The following LETM1 variants were observed in gnomAD, a reference collection of about 807,000 sequenced individuals.
The protein encoded by LETM1 is leucine zipper and EF-hand containing transmembrane protein 1.
LETM1 carries 50 observed loss-of-function variants against 74.5 expected under a neutral mutation model. The ratio of observed to expected loss-of-function variants is 0.67; its 90% CI spans 0.53 to 0.85. The LOEUF (loss-of-function observed/expected upper bound fraction) is 0.85. LETM1 is among the 40% of genes least tolerant of loss of function. The probability of loss-of-function intolerance (pLI) is 0.00; values close to 1 mark genes in which losing one functional copy is unlikely to be tolerated. For synonymous variants in LETM1, 446 were observed against 407.1 expected (o/e 1.10, Z -1.15); for missense variants, 824 against 967.8 (o/e 0.85, Z 1.97).
intron 12 of LETM1, among the ~76,000 whole-genome samples, chr4:1,816,310 G>A (rs1711566847): frequency 2.6e-5 from 4 of 152,210 alleles, no homozygotes; most frequent in African/African-American, 2.4e-5. Flanking sequence ...CTCACAAAAC[G>A]GCAGCTCCCT....
In LETM1 at chr4:1,836,602, G is replaced by A; in HGVS notation, c.595-30C>T. ...AAGGGGCGGAATCCATCAGAGGGGAGCAGAGCACATGTGGGAACAAGGGCA... is the reference window on the plus strand; with the variant it reads ...AAGGGGCGGAATCCATCAGAGGGGAACAGAGCACATGTGGGAACAAGGGCA... On this transcript the variant is annotated intron_variant, in intron 3 of 13. Coordinates refer to ENST00000302787, the MANE Select transcript of LETM1 (RefSeq NM_012318.3). The surrounding 1 kb of genome is among the most constrained non-coding windows in gnomAD (Gnocchi z 5.8). 1 of 1,612,400 alleles carries A rather than the reference G, an allele frequency of 6.2e-7. No homozygotes were observed. The highest frequency in any genetic ancestry group is 8.5e-7 in the Non-Finnish European group (1 of 1,179,162).
intron 6 of LETM1, among the ~76,000 whole-genome samples, chr4:1,830,909 C>T (rs947770764): frequency 5.9e-5 from 9 of 152,102 alleles, no homozygotes; most frequent in African/African-American, 2.2e-4. Flanking sequence ...GTGGCATGGG[C>T]GGTGGGTATT....
chr4:1,847,824 CAAAAA>C (rs778839346), intron 2 of LETM1, among the ~76,000 whole-genome samples: 1 of 41,920 alleles, frequency 2.4e-5, no homozygotes, highest in Non-Finnish European at 4.7e-5. Context: ...AACTCGGTCT[CAAAAA>C]AAAAAAAAAA....
At chr4:1,847,869 C>T (rs1469205544) in intron 2 of LETM1, among the ~76,000 whole-genome samples, 2 of 149,466 alleles carry the variant, frequency 1.3e-5, no homozygotes, top group African/African-American at 2.5e-5. Context: ...GTGGTGTGCG[C>T]GCCTGTAATC....
intron 11 of LETM1, among the ~76,000 whole-genome samples, chr4:1,817,550 G>C (rs937664881): frequency 4.6e-5 from 7 of 152,126 alleles, no homozygotes; most frequent in African/African-American, 1.4e-4. Context: ...GACAGAGCGA[G>C]ACCCTATCTC....
Position 1,834,940 on chromosome 4 carries a change from C to A in LETM1, c.781G>T (p.Ala261Ser), listed in dbSNP as rs1251741808. ...KKELRVKLEL[A>S]KFLQDTIEEM... is the part of the protein sequence containing the mutation. The stretch of plus-strand genomic sequence containing the variant: ...TCGATGGTGTCCTGGAGGAACTTGG[C>A]CAGCTCCAGCTTGACCCGAAGCTCC... The change falls in exon 5 of 14, where the codon GCC becomes TCC. Residue 261 changes from alanine to serine, a missense_variant. Transcript: ENST00000302787. The surrounding 1 kb of genome is among the most constrained non-coding windows in gnomAD (Gnocchi z 5.0). 6.2e-7 allele frequency: 1 copy of A among 1,613,984 alleles called. No individual in the cohort carries two copies. Among genetic ancestry groups the A allele is most frequent in the Non-Finnish European group, 8.5e-7 (1 of 1,180,008 alleles).
intron 7 of LETM1, 82 bp from the exon 8 acceptor site, chr4:1,823,857 GA>G: frequency 6.9e-7 from 1 of 1,440,860 alleles, no homozygotes; most frequent in Non-Finnish European, 9.4e-7. Context: ...CTCATCACCA[GA>G]ATAGCTCTCA....
At chr4:1,821,741 G>A (rs983851944) in intron 10 of LETM1, among the ~76,000 whole-genome samples, 4 of 152,154 alleles carry the variant, frequency 2.6e-5, no homozygotes, top group Admixed American at 6.5e-5. Flanking sequence ...TCACAGGCTC[G>A]CATGGGGAGT....
chr4:1,848,228 ACC>A, intron 2 of LETM1, among the ~76,000 whole-genome samples: 1 of 151,688 alleles, frequency 6.6e-6, no homozygotes, highest in Non-Finnish European at 1.5e-5. Flanking sequence ...ACATGGTGAA[ACC>A]CCGTCTCTAA....
chr4:1,832,979 G>C, intron 5 of LETM1, 32 bp from the exon 6 acceptor site: 1 of 1,605,012 alleles, frequency 6.2e-7, no homozygotes, highest in South Asian at 1.1e-5. Context: ...TCATCCCCGG[G>C]ACACGCGCCC....
intron 2 of LETM1, among the ~76,000 whole-genome samples, chr4:1,847,549 G>C (rs1336226296): frequency 6.6e-6 from 1 of 152,060 alleles, no homozygotes; most frequent in East Asian, 1.9e-4. Context: ...GCTAGGCGCA[G>C]TGGCTCACAC....
chr4:1,855,542 G>A (rs1054636671), intron 1 of LETM1, among the ~76,000 whole-genome samples: 3 of 152,274 alleles, frequency 2.0e-5, no homozygotes, highest in African/African-American at 4.8e-5. Flanking sequence ...CCGTCCTCGT[G>A]CGTGGACACG....
chr4:1,828,098 TGACAC>T (rs1712073957), intron 6 of LETM1, among the ~76,000 whole-genome samples: 1 of 116,936 alleles, frequency 8.6e-6, no homozygotes, highest in African/African-American at 3.4e-5. Context: ...GCAGGGGGGC[TGACAC>T]CCCCACCTCC....
chr4:1,846,686 A>ATATG (rs1358393470), intron 2 of LETM1: 4 of 152,242 alleles, frequency 2.6e-5, no homozygotes, highest in Admixed American at 6.5e-5. Context: ...AGCTAACATC[A>ATATG]TATGTCACAA....
intron 13 of LETM1, among the ~76,000 whole-genome samples, chr4:1,815,315 C>T (rs1711529157): frequency 6.6e-6 from 1 of 152,178 alleles, no homozygotes; most frequent in Non-Finnish European, 1.5e-5. Context: ...TGAAGTGCCC[C>T]CAGGCTCCCT....
chr4:1,825,496 G>A, intron 7 of LETM1, 68 bp downstream of exon 7: 1 of 1,559,124 alleles, frequency 6.4e-7, no homozygotes, highest in African/African-American at 1.4e-5. Flanking sequence ...GAGCCTCCGA[G>A]TGGCCTTTCG....
In LETM1 at chr4:1,847,761, T is replaced by G. The variant is rs1177363649; in HGVS notation, c.143+1388A>C. Among the ~76,000 whole-genome samples the G allele has an allele frequency of 2.1e-5, 3 of 145,038 alleles. No homozygotes were observed. In the Admixed American group the frequency reaches 2.1e-4, roughly 10 times the overall value. On this transcript the variant is annotated intron_variant, in intron 2 of 13. Transcript: ENST00000302787. ...ATCGCTTGAACCCGGGAGGCAGAGG[T>G]TGCAGTGAGCCGAGATTGCACCACT...
Position 1,814,577 on chromosome 4 carries a change from C to T in LETM1, c.2071-4G>A, listed in dbSNP as rs1404348259. 1 of 1,612,612 alleles carries T rather than the reference C, an allele frequency of 6.2e-7. No homozygotes were observed. Among genetic ancestry groups the T allele is most frequent in the Non-Finnish European group, 8.5e-7 (1 of 1,179,236 alleles). ...CTTTGTCCACCAGCTCAATCACCTA[C>T]ACACGTGGGAAAGGGAGAGGCTCAG... On this transcript the variant is annotated splice_polypyrimidine_tract_variant and splice_region_variant and intron_variant, in intron 13 of 13. Coordinates refer to ENST00000302787, the MANE Select transcript of LETM1 (RefSeq NM_012318.3).
chr4:1,849,160 C>T lies in LETM1; in HGVS notation c.132G>A (p.Leu44=), dbSNP rs1402569161. 4.3e-6 allele frequency: 7 copies of T among 1,612,770 alleles called. No individual in the cohort carries two copies. The highest frequency in any genetic ancestry group is 3.3e-5 in the Admixed American group (2 of 60,010). The part of the protein sequence containing the change: ...AHLSCASTLG[L]RNCLNVPFGC... ...ACTGATTTACTCACAGGCAGTTCCT[C>T]AACCCCAGGGTGCTGGCACAGCTGA... is the stretch of plus-strand genomic sequence containing the variant. Residue 44 remains leucine, a synonymous_variant, in exon 2 of 14, where the codon TTG becomes TTA. Coordinates refer to ENST00000302787, the MANE Select transcript of LETM1 (RefSeq NM_012318.3).
Sources: gnomAD v4.1 joint callset for allele counts (sites outside exome capture counted in the v4.1 genomes callset) on GRCh38, gnomAD v4.1.1 for gene constraint, Gnocchi (gnomAD v3.1) non-coding constraint, MANE v1.5 for transcripts, NCBI Gene and HGNC (gene_info 2026-07-23, HGNC 2026-07-21) for gene names.